The following CSRNP3 variants were observed in gnomAD, a reference collection of about 807,000 sequenced individuals.
CSRNP3 encodes cysteine and serine rich nuclear protein 3, also known as cysteine/serine-rich nuclear protein 3.
A neutral mutation model predicts 48.0 loss-of-function variants in CSRNP3; 12 were observed. The observed-to-expected ratio is 0.25, with a 90% CI of 0.16 to 0.41. The LOEUF (loss-of-function observed/expected upper bound fraction) is 0.41. Among genes scored for constraint, CSRNP3 ranks in the 10% least tolerant of loss-of-function variants. The pLI, the probability that CSRNP3 is intolerant of heterozygous loss-of-function variation, is 1.00. For synonymous variants in CSRNP3, 263 were observed against 269.7 expected, an observed-to-expected ratio of 0.98 and a Z score of 0.24; for missense variants, 580 against 724.4, an observed-to-expected ratio of 0.80 and a Z score of 2.29.
intron 4 of CSRNP3, among the ~76,000 whole-genome samples, chr2:165,617,334 G>A (rs1288430936): frequency 6.6e-6 from 1 of 150,712 alleles, no homozygotes; most frequent in African/African-American, 2.5e-5. Context: ...TCTTGTAGAT[G>A]CATCTATAGT....
intron 3 of CSRNP3, among the ~76,000 whole-genome samples, chr2:165,585,174 C>G (rs10497265): frequency 0.011 from 1,667 of 150,520 alleles, 103 homozygotes; most frequent in Admixed American, 0.095. Flanking sequence ...TTAACTAAAG[C>G]TATTTCTCAA....
At chr2:165,505,468 G>C (rs1188087673) in intron 2 of CSRNP3, among the ~76,000 whole-genome samples, 3 of 152,114 alleles carry the variant, frequency 2.0e-5, no homozygotes. Flanking sequence ...ATTGAAGTAG[G>C]ATAAAATAGA....
intron 2 of CSRNP3, among the ~76,000 whole-genome samples, chr2:165,504,910 T>C (rs1446206756): frequency 1.3e-5 from 2 of 152,152 alleles, no homozygotes; most frequent in African/African-American, 2.4e-5. Context: ...CTGAAAAGGA[T>C]GTTTCTGTCC....
At chr2:165,521,021 G>T (rs111749143) in intron 3 of CSRNP3, among the ~76,000 whole-genome samples, 22 of 150,978 alleles carry the variant, frequency 1.5e-4, no homozygotes, top group African/African-American at 4.4e-4. Context: ...TAGAGACAAG[G>T]TCTTGCTTGT....
chr2:165,606,946 G>C (rs965166978), intron 4 of CSRNP3, among the ~76,000 whole-genome samples: 7 of 152,024 alleles, frequency 4.6e-5, no homozygotes, highest in African/African-American at 1.7e-4. Context: ...GATTGCCTTA[G>C]CTACACTCTC....
intron 3 of CSRNP3, among the ~76,000 whole-genome samples, chr2:165,544,442 T>G (rs1249171517): frequency 6.6e-6 from 1 of 152,028 alleles, no homozygotes; most frequent in East Asian, 1.9e-4. Context: ...GGAGAACCAT[T>G]GGAGGGTTTT....
At chr2:165,594,907 TG>T in intron 3 of CSRNP3, 135 bp from the exon 4 acceptor site, 2 of 553,458 alleles carry the variant, frequency 3.6e-6, no homozygotes, top group Non-Finnish European at 6.0e-6. Flanking sequence ...AAAAAAAATC[TG>T]CTAAAGATCC....
rs1001322973 is a variant in CSRNP3, at chr2:165,686,604, T to C, written c.*6851T>C. On this transcript the variant is annotated 3_prime_UTR_variant, in exon 7 of 7. Transcript: ENST00000651982. ...TGTTGCCTGGTGGTGGTTGTTGTTG[T>C]TGTTGTTTTTTAATTTATTTAGTGT... 2 of 151,706 alleles carry C rather than the reference T, an allele frequency of 1.3e-5. No individual in the cohort carries two copies. Among genetic ancestry groups the C allele is most frequent in the Non-Finnish European group, 2.9e-5 (2 of 67,990 alleles). 9.4% of individuals were successfully genotyped at this position (151,706 alleles called of 1,614,324 possible).
At chr2:165,516,823 T>C (rs1684588808) in intron 2 of CSRNP3, among the ~76,000 whole-genome samples, 2 of 152,146 alleles carry the variant, frequency 1.3e-5, no homozygotes, top group African/African-American at 4.8e-5. Flanking sequence ...TATGTAGATA[T>C]TGATAAAGTT....
Position 165,658,120 on chromosome 2 carries a change from T to G in CSRNP3, c.408+100T>G, listed in dbSNP as rs550668645. 1.8e-3 allele frequency: 2,356 copies of G among 1,305,806 alleles called. 11 individuals carry two copies. Among genetic ancestry groups the G allele is most frequent in the Non-Finnish European group, 2.3e-3 (2,200 of 957,212 alleles). The allele number at this position is 1,305,806 out of a possible 1,614,324, so 80.9% of individuals were successfully genotyped here. A position where few individuals can be genotyped will look rare whatever the true frequency, so the allele number is the denominator to read the frequency against. On this transcript the variant is annotated intron_variant, in intron 5 of 6. Coordinates refer to ENST00000651982, the MANE Select transcript of CSRNP3 (RefSeq NM_001172173.2). ...TATAATCACGAAACAAACTGGGCAC[T>G]TTACATAACAGACTGCTTGCTGACA... is the stretch of plus-strand genomic sequence containing the variant.
At chr2:165,485,103 G>GAGATCTCACAGATCTCACAGATCT (rs1558913260) in intron 1 of CSRNP3, among the ~76,000 whole-genome samples, 2 of 151,950 alleles carry the variant, frequency 1.3e-5, no homozygotes, top group African/African-American at 4.8e-5. Flanking sequence ...GTTCTGGAGG[G>GAGATCTCACAGATCTCACAGATCT]TGGAAGTCCA....
chr2:165,661,372 A>G (rs1173088951), intron 5 of CSRNP3, among the ~76,000 whole-genome samples: 1 of 152,204 alleles, frequency 6.6e-6, no homozygotes, highest in East Asian at 1.9e-4. Context: ...AAACATGCTC[A>G]GAACACTTAC....
chr2:165,629,103 T>A (rs1448116985), intron 4 of CSRNP3, among the ~76,000 whole-genome samples: 1 of 152,072 alleles, frequency 6.6e-6, no homozygotes, highest in African/African-American at 2.4e-5. Flanking sequence ...CAAATCAGGG[T>A]AAGAGCCATG....
At chr2:165,677,963 G>C (rs1373781829) in intron 6 of CSRNP3, among the ~76,000 whole-genome samples, 1 of 152,084 alleles carries the variant, frequency 6.6e-6, no homozygotes, top group East Asian at 1.9e-4. Context: ...CAAGAAGATT[G>C]TATCTAATGG....
At chr2:165,502,819 C>A (rs957379176) in intron 2 of CSRNP3, among the ~76,000 whole-genome samples, 3 of 151,890 alleles carry the variant, frequency 2.0e-5, no homozygotes, top group Non-Finnish European at 2.9e-5. Context: ...ATTATAGACC[C>A]ACACACATAC....
chr2:165,529,759 A>G (rs964982816), intron 3 of CSRNP3, among the ~76,000 whole-genome samples: 1 of 152,202 alleles, frequency 6.6e-6, no homozygotes, highest in Non-Finnish European at 1.5e-5. Context: ...TTTATTCAGA[A>G]CATATAGCAT....
intron 2 of CSRNP3, among the ~76,000 whole-genome samples, chr2:165,505,496 A>G (rs1018307525): frequency 6.6e-6 from 1 of 152,180 alleles, no homozygotes; most frequent in Non-Finnish European, 1.5e-5. Context: ...TGCTCTGTTT[A>G]GCATCTCATA....
intron 5 of CSRNP3, among the ~76,000 whole-genome samples, chr2:165,667,033 A>AG (rs1195459939): frequency 1.3e-4 from 4 of 30,654 alleles, no homozygotes; most frequent in East Asian, 9.4e-4. Context: ...AGAGAGAGGA[A>AG]GAAAGAAAGA....
intron 2 of CSRNP3, among the ~76,000 whole-genome samples, chr2:165,506,132 G>A (rs16850808): frequency 0.016 from 2,465 of 152,152 alleles, 61 homozygotes; most frequent in African/African-American, 0.054. Context: ...ATGGGATTAC[G>A]GGTTCCCCAG....
Sources: gnomAD v4.1 joint callset for allele counts (sites outside exome capture counted in the v4.1 genomes callset) on GRCh38, gnomAD v4.1.1 for gene constraint, MANE v1.5 for transcripts, NCBI Gene and HGNC (gene_info 2026-07-23, HGNC 2026-07-21) for gene names.